Variants in DNAAF9 observed in about 807,000 individuals in gnomAD.
The protein encoded by DNAAF9 is dynein axonemal assembly factor 9, also known as shulin.
Under a neutral mutation model 167.0 loss-of-function variants are expected in DNAAF9, and 90 were observed. The ratio of observed to expected loss-of-function variants is 0.54; its 90% CI spans 0.45 to 0.64. The LOEUF is 0.64. Ranked by LOEUF, DNAAF9 falls within the 30% of genes least tolerant of loss-of-function variation. The pLI, the probability that DNAAF9 is intolerant of heterozygous loss-of-function variation, is 0.00. For missense variants in DNAAF9, 1,315 were observed against 1,442.2 expected (o/e 0.91, Z 1.43); for synonymous variants, 491 against 508.8 (o/e 0.96, Z 0.47).
At chr20:3,320,576 T>C (rs1433583362) in intron 16 of DNAAF9, among the ~76,000 whole-genome samples, 1 of 152,196 alleles carries the variant, frequency 6.6e-6, no homozygotes, top group East Asian at 1.9e-4. Context: ...ATCACCTAAA[T>C]ATCAGAAAGT....
intron 12 of DNAAF9, among the ~76,000 whole-genome samples, chr20:3,329,205 T>C (rs2069774522): frequency 7.1e-6 from 1 of 140,994 alleles, no homozygotes; most frequent in Non-Finnish European, 1.5e-5. Context: ...ACTCACTCTG[T>C]CACCCAGGCT....
At chr20:3,381,544 A>G (rs1407053889) in intron 2 of DNAAF9, 46 bp from the exon 3 acceptor site, 4 of 1,570,044 alleles carry the variant, frequency 2.5e-6, no homozygotes, top group Non-Finnish European at 3.4e-6. Flanking sequence ...TACTACAGGG[A>G]GCAAATGAGC....
chr20:3,274,424 T>A (rs937766494), intron 29 of DNAAF9, among the ~76,000 whole-genome samples: 2 of 152,364 alleles, frequency 1.3e-5, no homozygotes, highest in East Asian at 3.9e-4. Context: ...AATGCAGGTG[T>A]GAGCCACTGC....
At chr20:3,340,442 C>CGGGGGGGG in intron 10 of DNAAF9, 62 bp downstream of exon 10, 1 of 178,468 alleles carries the variant, frequency 5.6e-6, no homozygotes, top group Non-Finnish European at 1.2e-5. Context: ...CTCCCCCCAC[C>CGGGGGGGG]CACCCCACCC....
intron 10 of DNAAF9, among the ~76,000 whole-genome samples, chr20:3,336,270 T>TGTTTTG (rs2069947133): frequency 2.7e-5 from 4 of 150,290 alleles, no homozygotes; most frequent in African/African-American, 9.8e-5. Context: ...TTTTTTTTTT[T>TGTTTTG]TTTTTGCCAA....
chr20:3,331,673 CT>C (rs1374000105), intron 11 of DNAAF9, among the ~76,000 whole-genome samples: 18 of 152,108 alleles, frequency 1.2e-4, no homozygotes, highest in Admixed American at 1.2e-3. Context: ...CCACCTCTTG[CT>C]TTTTTGTTGT....
chr20:3,269,291 C>G (rs539145503), intron 30 of DNAAF9, among the ~76,000 whole-genome samples: 1 of 151,508 alleles, frequency 6.6e-6, no homozygotes, highest in Non-Finnish European at 1.5e-5. Flanking sequence ...CTCAGTATAA[C>G]CCTAAACTCC....
intron 7 of DNAAF9, among the ~76,000 whole-genome samples, chr20:3,358,618 G>A (rs1054338873): frequency 2.0e-5 from 3 of 151,974 alleles, no homozygotes; most frequent in South Asian, 2.1e-4. Flanking sequence ...CAAACCTTCC[G>A]TTCTTTCAAG....
intron 22 of DNAAF9, among the ~76,000 whole-genome samples, chr20:3,297,425 C>T (rs1402431784): frequency 6.6e-6 from 1 of 152,186 alleles, no homozygotes; most frequent in African/African-American, 2.4e-5. Context: ...AAGGTCAACT[C>T]TTGCATCCTC....
chr20:3,349,940 A>T lies in DNAAF9; in HGVS notation c.691-1317T>A, dbSNP rs369962443. ...GTCTAGTGCCTTGCTCATAGCAGGC[A>T]TTCTGTTTGCTGCACCAAAACTCAC... On this transcript the variant is annotated intron_variant, in intron 7 of 36. Transcript: ENST00000252032. 4.6e-5 allele frequency among the ~76,000 whole-genome samples: 7 copies of T among 152,244 alleles called. No individual in the cohort carries two copies. The East Asian group carries it at 9.7e-4, about 21-fold the overall frequency.
intron 10 of DNAAF9, among the ~76,000 whole-genome samples, chr20:3,337,211 G>A (rs927323542): frequency 8.7e-5 from 13 of 150,274 alleles, no homozygotes; most frequent in African/African-American, 2.9e-4. Flanking sequence ...CTTCTATTTC[G>A]TTGTTGAAAC....
At chr20:3,324,660 G>A in intron 14 of DNAAF9, among the ~76,000 whole-genome samples, 1 of 152,120 alleles carries the variant, frequency 6.6e-6, no homozygotes, top group East Asian at 1.9e-4. Flanking sequence ...GTGTTAATCT[G>A]CCCTGCATTC....
chr20:3,278,145 T>C (rs2068703231), intron 29 of DNAAF9, among the ~76,000 whole-genome samples: 1 of 151,972 alleles, frequency 6.6e-6, no homozygotes, highest in African/African-American at 2.4e-5. Context: ...GGTTGTCAGG[T>C]AGTAGGGCAC....
Position 3,260,011 on chromosome 20 carries a change from T to C in DNAAF9, c.2891A>G (p.Asn964Ser), listed in dbSNP as rs912690115. ...CATTAGGGGATAGACTGATCCAGCA[T>C]TCAATTTACCTTCATACCTTAAAAG... ...MYPGWYEGKLNAGSVYPLMVQ... is the reference protein window; with the variant it reads ...MYPGWYEGKLSAGSVYPLMVQ... The change falls in exon 32 of 37, where the codon AAT (asparagine) becomes AGT (serine). Residue 964 changes from asparagine (N) to serine (S), a missense_variant. Asn to Ser is a conservative substitution (Grantham distance 46, BLOSUM62 1). Around this residue, in one of 2 missense-constraint regions of DNAAF9, gnomAD observed 334 missense variants for 429.7 expected, o/e 0.78. Coordinates refer to ENST00000252032, the MANE Select transcript of DNAAF9 (RefSeq NM_001009984.3). 3 of 1,608,720 alleles carry C rather than the reference T, an allele frequency of 1.9e-6. No individual in the cohort carries two copies. The Admixed American group carries it at 5.0e-5, about 27-fold the overall frequency.
chr20:3,312,611 T>C (rs1182929080), intron 20 of DNAAF9, among the ~76,000 whole-genome samples: 3 of 152,112 alleles, frequency 2.0e-5, no homozygotes, highest in Non-Finnish European at 2.9e-5. Flanking sequence ...GGCAGATTTA[T>C]AAAGACAAAG....
intron 6 of DNAAF9, chr20:3,362,055 A>C: frequency 6.9e-7 from 1 of 1,441,560 alleles, no homozygotes; most frequent in South Asian, 1.2e-5. Context: ...AACTCCATTC[A>C]TATTAATTTT....
intron 20 of DNAAF9, among the ~76,000 whole-genome samples, chr20:3,310,291 A>G (rs1282804007): frequency 6.9e-6 from 1 of 145,888 alleles, no homozygotes; most frequent in African/African-American, 2.6e-5. Context: ...GGAAAGAAAG[A>G]AAAGAAAAAA....
rs144954232 is a variant in DNAAF9 at position 3,395,964 on chromosome 20, G to C, written c.83+11511C>G. Among the ~76,000 whole-genome samples the C allele has an allele frequency of 2.7e-3, 406 of 152,218 alleles. 2 individuals are homozygous for C. The highest frequency in any genetic ancestry group is 9.2e-3 in the African/African-American group (384 of 41,530). The stretch of plus-strand genomic sequence containing the variant: ...TAGGAGGTAATTGAATCATGGGGAT[G>C]GGTCTTTCCCTGTGCTGTTCCCATG... On this transcript the variant is annotated intron_variant, in intron 1 of 36. Coordinates refer to ENST00000252032, the MANE Select transcript of DNAAF9 (RefSeq NM_001009984.3).
At chr20:3,388,598 A>C (rs2083783331) in intron 1 of DNAAF9, among the ~76,000 whole-genome samples, 1 of 152,242 alleles carries the variant, frequency 6.6e-6, no homozygotes, top group African/African-American at 2.4e-5. Context: ...CACACAATGG[A>C]ATATTATTTA....
Sources: gnomAD v4.1 joint callset for allele counts (sites outside exome capture counted in the v4.1 genomes callset) on GRCh38, gnomAD v4.1.1 for gene constraint, gnomAD v4.1.1 regional missense constraint, MANE v1.5 for transcripts, NCBI Gene and HGNC (gene_info 2026-07-23, HGNC 2026-07-21) for gene names.